GABRG2: variants seen among roughly 807,000 people sequenced by gnomAD.
GABRG2 encodes gamma-aminobutyric acid receptor subunit gamma-2.
GABRG2 carries 16 observed loss-of-function variants against 56.4 expected under a neutral mutation model. That is an observed-to-expected ratio of 0.28 (90% CI 0.19 to 0.43). The LOEUF is 0.43. Among genes scored for constraint, GABRG2 ranks in the 20% least tolerant of loss-of-function variants. The pLI is 1.00. For missense variants in GABRG2, 327 were observed against 582.7 expected (o/e 0.56, Z 4.52); for synonymous variants, 208 against 205.5 (o/e 1.01, Z -0.10).
At chr5:162,124,442 C>G (rs368298507) in intron 6 of GABRG2, among the ~76,000 whole-genome samples, 3 of 151,814 alleles carry the variant, frequency 2.0e-5, no homozygotes, top group Non-Finnish European at 1.5e-5. Flanking sequence ...CAGAATTACT[C>G]ACCCCTAGAA....
intron 6 of GABRG2, among the ~76,000 whole-genome samples, chr5:162,135,221 CTT>C (rs539466322): frequency 2.0e-4 from 30 of 149,606 alleles, no homozygotes; most frequent in Non-Finnish European, 4.0e-4. Context: ...TCCCTTCTCT[CTT>C]TTTTTTTTCT....
At chr5:162,069,659 A>G (rs963084064) in intron 1 of GABRG2, among the ~76,000 whole-genome samples, 4 of 152,226 alleles carry the variant, frequency 2.6e-5, no homozygotes, top group African/African-American at 9.6e-5. Flanking sequence ...CTATAAAAAT[A>G]GAATGTATTT....
intron 7 of GABRG2, chr5:162,142,595 T>C (rs1158951369): frequency 3.3e-5 from 12 of 361,956 alleles, no homozygotes; most frequent in South Asian, 2.2e-5. Flanking sequence ...TCATGTCCTT[T>C]GTAGGGACAT....
chr5:162,077,610 G>A (rs1759241780), intron 1 of GABRG2, among the ~76,000 whole-genome samples: 1 of 152,164 alleles, frequency 6.6e-6, no homozygotes, highest in Non-Finnish European at 1.5e-5. Flanking sequence ...GATATCATCT[G>A]TCTTTGCATT....
rs545329547 is a variant in GABRG2, at chr5:162,147,405, C to G, written c.923-1703C>G. Among the ~76,000 whole-genome samples, 47 of 151,732 alleles carry G rather than the reference C, an allele frequency of 3.1e-4. 1 individual carries two copies. The highest frequency in any genetic ancestry group is 1.1e-3 in the African/African-American group (45 of 41,340). On this transcript the variant is annotated intron_variant, in intron 7 of 9. Coordinates refer to ENST00000639213, the MANE Select transcript of GABRG2 (RefSeq NM_198904.4). ...TTTGACAGAGTTTTTACTCTTGTCA[C>G]CCAGGCCGGAGTGCAATGCCACGAT...
chr5:162,127,995 G>A (rs1267660797), intron 6 of GABRG2, among the ~76,000 whole-genome samples: 2 of 152,004 alleles, frequency 1.3e-5, no homozygotes, highest in Non-Finnish European at 1.5e-5. Flanking sequence ...TGGAAAGCAA[G>A]GCTTTGGTCA....
At position 162,143,949 on chromosome 5, in the gene GABRG2, A is replaced by G. The variant is rs183928056; in HGVS notation, c.922+1633A>G. Among the ~76,000 whole-genome samples, 19 of 152,310 alleles carry G rather than the reference A, an allele frequency of 1.2e-4. No homozygotes were observed. The East Asian group carries it at 3.3e-3, about 26-fold the overall frequency. On this transcript the variant is annotated intron_variant, in intron 7 of 9. Transcript: ENST00000639213. ...ATCTGTCCTCTTCCAAACCTAATTT[A>G]GTTTCCCATCTGTTTCAAAAGAAAG...
At position 162,153,419 on chromosome 5, in the gene GABRG2, A is replaced by G. The variant is rs370402998; in HGVS notation, c.*51A>G. On this transcript the variant is annotated 3_prime_UTR_variant, in exon 10 of 10. Transcript: ENST00000639213. ...TTCTTATTCACTGAGTCTCATGGAG[A>G]GATGTCTGTTCTAAGTCCACTTAAA... 5.0e-6 allele frequency: 8 copies of G among 1,586,844 alleles called. No homozygotes were observed. In the African/African-American group the frequency reaches 9.4e-5, roughly 19 times the overall value.
chr5:162,108,399 T>C (rs1761990366), intron 6 of GABRG2, among the ~76,000 whole-genome samples: 1 of 152,194 alleles, frequency 6.6e-6, no homozygotes, highest in African/African-American at 2.4e-5. Flanking sequence ...ACTATTAATA[T>C]GTTTCTGTGT....
Position 162,147,251 on chromosome 5 carries a change from ATTTC to A in GABRG2, c.923-1848_923-1845del, listed in dbSNP as rs921313787. ...CTTTCTTTCTTCTTTCTTTCTCTTTATTTCTTTCTTTCATTCTTTCTTTTTTCTT... is the reference window on the plus strand; with the variant it reads ...CTTTCTTTCTTCTTTCTTTCTCTTTATTTCTTTCATTCTTTCTTTTTTCTT... On this transcript the variant is annotated intron_variant, in intron 7 of 9. Coordinates refer to ENST00000639213, the MANE Select transcript of GABRG2 (RefSeq NM_198904.4). Among the ~76,000 whole-genome samples, 6 of 113,230 alleles carry A rather than the reference ATTTC, an allele frequency of 5.3e-5. No individual in the cohort carries two copies. In the South Asian group the frequency reaches 1.3e-3, roughly 25 times the overall value. The allele number at this position is 113,230 out of a possible 152,430, so 74.3% of individuals were successfully genotyped here. A position where few individuals can be genotyped will look rare whatever the true frequency, so the allele number is the denominator to read the frequency against.
intron 1 of GABRG2, among the ~76,000 whole-genome samples, chr5:162,079,516 T>C (rs1759476334): frequency 6.6e-6 from 1 of 152,126 alleles, no homozygotes; most frequent in African/African-American, 2.4e-5. Flanking sequence ...CTACCCACTA[T>C]GTTGCTAGCA....
intron 6 of GABRG2, among the ~76,000 whole-genome samples, chr5:162,116,125 T>C (rs1415045383): frequency 6.6e-6 from 1 of 151,388 alleles, no homozygotes; most frequent in East Asian, 1.9e-4. Flanking sequence ...TGTGTGTGTG[T>C]GTGTGTGTGT....
chr5:162,130,356 T>A (rs552971507), intron 6 of GABRG2, among the ~76,000 whole-genome samples: 22 of 152,044 alleles, frequency 1.4e-4, no homozygotes, highest in African/African-American at 4.8e-4. Flanking sequence ...AACCACTGCC[T>A]GCAGTTGCCT....
intron 6 of GABRG2, among the ~76,000 whole-genome samples, chr5:162,128,808 A>G (rs1238595509): frequency 6.6e-6 from 1 of 151,958 alleles, no homozygotes; most frequent in Non-Finnish European, 1.5e-5. Flanking sequence ...CATGGACCAA[A>G]ATCTCTGTGC....
At chr5:162,070,268 A>T (rs1485683913) in intron 1 of GABRG2, among the ~76,000 whole-genome samples, 1 of 152,098 alleles carries the variant, frequency 6.6e-6, no homozygotes, top group Non-Finnish European at 1.5e-5. Flanking sequence ...ACATTCTCTC[A>T]TAGTGACAGA....
At chr5:162,140,625 ATT>A (rs1456133151) in intron 6 of GABRG2, among the ~76,000 whole-genome samples, 3 of 145,648 alleles carry the variant, frequency 2.1e-5, no homozygotes, top group African/African-American at 8.5e-5. Flanking sequence ...TATGATTTGA[ATT>A]TAATTATCTA....
chr5:162,105,432 C>CT lies in GABRG2; in HGVS notation c.769+1421dup, dbSNP rs533258756. Among the ~76,000 whole-genome samples, 392 of 104,132 alleles carry CT rather than the reference C, an allele frequency of 3.8e-3. 23 individuals are homozygous for CT. The highest frequency in any genetic ancestry group is 0.012 in the African/African-American group (346 of 27,748). 68.3% of individuals were successfully genotyped at this position (104,132 alleles called of 152,430 possible). On this transcript the variant is annotated intron_variant, in intron 6 of 9. Coordinates refer to ENST00000639213, the MANE Select transcript of GABRG2 (RefSeq NM_198904.4). ...GACCATCAAGTATTAGTAGAACAAT[C>CT]TTTTTTTTTTTTTTTGAGAAGGAGT...
intron 6 of GABRG2, among the ~76,000 whole-genome samples, chr5:162,131,917 A>G (rs1363145374): frequency 6.7e-6 from 1 of 148,546 alleles, no homozygotes; most frequent in African/African-American, 2.4e-5. Flanking sequence ...ACAAATTTGA[A>G]TATGTGTATA....
At chr5:162,143,332 A>G (rs1175891649) in intron 7 of GABRG2, among the ~76,000 whole-genome samples, 2 of 152,192 alleles carry the variant, frequency 1.3e-5, no homozygotes, top group African/African-American at 4.8e-5. Flanking sequence ...ATTATTTTTG[A>G]GAAAACATAT....
Sources: allele counts gnomAD v4.1 joint callset (sites outside exome capture counted in the v4.1 genomes callset), GRCh38; gene constraint gnomAD v4.1.1; transcripts MANE v1.5; gene names NCBI Gene and HGNC (gene_info 2026-07-23, HGNC 2026-07-21).